WWC1: variants seen among roughly 807,000 people sequenced by gnomAD.
The protein encoded by WWC1 is protein KIBRA.
Under a neutral mutation model 138.4 loss-of-function variants are expected in WWC1, and 55 were observed. The ratio of observed to expected loss-of-function variants is 0.40; its 90% CI spans 0.32 to 0.50. WWC1 has a LOEUF of 0.50. Among genes scored for constraint, WWC1 ranks in the 20% least tolerant of loss-of-function variants. The pLI, the probability that WWC1 is intolerant of heterozygous loss-of-function variation, is 0.72. For missense variants in WWC1, 1,226 were observed against 1,420.4 expected, an observed-to-expected ratio of 0.86 and a Z score of 2.20; for synonymous variants, 524 against 564.9, an observed-to-expected ratio of 0.93 and a Z score of 1.03.
chr5:168,448,246 C>T (rs764791392), intron 17 of WWC1, among the ~76,000 whole-genome samples: 5 of 152,166 alleles, frequency 3.3e-5, no homozygotes, highest in African/African-American at 9.7e-5. Context: ...CATGCCTGCT[C>T]ATCTCTGGAG....
At chr5:168,406,479 G>T in intron 6 of WWC1, 152 bp downstream of exon 6, 1 of 1,135,704 alleles carries the variant, frequency 8.8e-7, no homozygotes, top group Non-Finnish European at 1.3e-6. Flanking sequence ...TCATAGAGGA[G>T]GACGTGGAGG....
chr5:168,293,694 T>C (rs1271860569), intron 1 of WWC1, among the ~76,000 whole-genome samples: 2 of 152,168 alleles, frequency 1.3e-5, no homozygotes, highest in African/African-American at 4.8e-5. Flanking sequence ...TTTCCCTGAA[T>C]TTAAAAAGTT....
At chr5:168,351,830 G>C (rs1293381839) in intron 1 of WWC1, among the ~76,000 whole-genome samples, 1 of 152,178 alleles carries the variant, frequency 6.6e-6, no homozygotes, top group Non-Finnish European at 1.5e-5. Flanking sequence ...TTTATCCTTG[G>C]ATCCTAATGG....
chr5:168,467,668 A>G, intron 21 of WWC1, 172 bp from the exon 22 acceptor site: 1 of 991,908 alleles, frequency 1.0e-6, no homozygotes, highest in Non-Finnish European at 1.4e-6. Flanking sequence ...CTAGTCACTC[A>G]AACAGATGAT....
intron 2 of WWC1, among the ~76,000 whole-genome samples, chr5:168,383,176 C>CAAAAAAAAAAAA (rs1468275675): frequency 8.2e-6 from 1 of 121,258 alleles, no homozygotes; most frequent in Non-Finnish European, 1.7e-5. Context: ...GACTCCATCT[C>CAAAAAAAAAAAA]AAAAACAAAA....
At position 168,453,990 on chromosome 5, in the gene WWC1, A is replaced by G. The variant is rs751988383; in HGVS notation, c.2548A>G (p.Asn850Asp). Residue 850 changes from asparagine to aspartate, a missense_variant, in exon 18 of 23, where the codon AAT becomes GAT. Coordinates refer to ENST00000265293, the MANE Select transcript of WWC1 (RefSeq NM_015238.3). Reference protein sequence around the residue: ...DSWRYEETSENEAVAEEEEEE... With the variant: ...DSWRYEETSEDEAVAEEEEEE... ...CAGGAGGTATGAGGAGACCAGTGAGAATGAGGCAGTAGCCGAGGAAGAGGA... is the reference window on the plus strand; with the variant it reads ...CAGGAGGTATGAGGAGACCAGTGAGGATGAGGCAGTAGCCGAGGAAGAGGA... 1 of 1,612,100 alleles carries G rather than the reference A, an allele frequency of 6.2e-7. No individual in the cohort carries two copies. The highest frequency in any genetic ancestry group is 8.5e-7 in the Non-Finnish European group (1 of 1,179,896).
At chr5:168,311,431 T>A (rs1406336148) in intron 1 of WWC1, among the ~76,000 whole-genome samples, 2 of 152,184 alleles carry the variant, frequency 1.3e-5, no homozygotes, top group Non-Finnish European at 2.9e-5. Context: ...CACACCTCCC[T>A]CTATACCTAC....
At chr5:168,310,816 T>C (rs1256684316) in intron 1 of WWC1, among the ~76,000 whole-genome samples, 3 of 131,720 alleles carry the variant, frequency 2.3e-5, no homozygotes, top group African/African-American at 8.5e-5. Context: ...CCAGCCTGGG[T>C]GACAGAGGGA....
intron 19 of WWC1, among the ~76,000 whole-genome samples, chr5:168,455,735 A>G (rs1442409218): frequency 1.3e-5 from 2 of 152,176 alleles, no homozygotes; most frequent in African/African-American, 4.8e-5. Flanking sequence ...TACTTGGTCA[A>G]TGTTATTATC....
intron 3 of WWC1, 144 bp downstream of exon 3, chr5:168,385,558 C>T (rs1777982319): frequency 1.3e-6 from 1 of 779,418 alleles, no homozygotes; most frequent in African/African-American, 1.7e-5. Flanking sequence ...ACTGCTCTTC[C>T]TGCTCCTACC....
At chr5:168,439,414 C>T (rs543914478) in intron 15 of WWC1, among the ~76,000 whole-genome samples, 6 of 150,338 alleles carry the variant, frequency 4.0e-5, no homozygotes, top group East Asian at 2.0e-4. Context: ...CACCTGAGAT[C>T]GGGAGTTCGA....
intron 19 of WWC1, among the ~76,000 whole-genome samples, chr5:168,458,699 C>A (rs1756543723): frequency 1.3e-5 from 2 of 152,180 alleles, no homozygotes; most frequent in Non-Finnish European, 2.9e-5. Flanking sequence ...TTTCACTGCT[C>A]TCTGCATCAG....
At chr5:168,306,368 C>T (rs574962890) in intron 1 of WWC1, among the ~76,000 whole-genome samples, 14 of 152,310 alleles carry the variant, frequency 9.2e-5, no homozygotes, top group Middle Eastern at 6.8e-3. Flanking sequence ...TGCACCCCAG[C>T]TTGGGCTACA....
At chr5:168,346,704 C>T (rs1774505151) in intron 1 of WWC1, among the ~76,000 whole-genome samples, 1 of 152,180 alleles carries the variant, frequency 6.6e-6, no homozygotes. Flanking sequence ...CCGGGACCTC[C>T]CAGGGCCCAT....
intron 1 of WWC1, among the ~76,000 whole-genome samples, chr5:168,318,530 T>A (rs1317654898): frequency 1.3e-5 from 2 of 151,958 alleles, no homozygotes; most frequent in Non-Finnish European, 2.9e-5. Flanking sequence ...AGTGAAATCT[T>A]AGAGTATTTG....
chr5:168,444,496 C>A lies in WWC1; in HGVS notation c.2436C>A (p.Asp812Glu), dbSNP rs368543559. 7.6e-6 allele frequency: 12 copies of A among 1,571,596 alleles called. No individual in the cohort carries two copies. Among genetic ancestry groups the A allele is most frequent in the Non-Finnish European group, 1.0e-5 (12 of 1,156,916 alleles). ...CCCAGCAACCTTTGTCTCTATAGGA[C>A]GCTGTGTCTGCTCTGTTGGAACAGA... The part of the protein sequence containing the change: ...MAPASGPAST[D>E]AVSALLEQTA... Residue 812 changes from aspartate (D) to glutamate (E), a missense_variant and splice_region_variant, in exon 17 of 23, where the codon GAC (aspartate) becomes GAA (glutamate). Coordinates refer to ENST00000265293, the MANE Select transcript of WWC1 (RefSeq NM_015238.3).
chr5:168,320,513 G>A (rs757075428), intron 1 of WWC1, among the ~76,000 whole-genome samples: 21 of 152,188 alleles, frequency 1.4e-4, no homozygotes, highest in Non-Finnish European at 2.5e-4. Context: ...TCAGTTTCCC[G>A]TCTGTGAAAT....
At chr5:168,298,852 G>A (rs1440335305) in intron 1 of WWC1, among the ~76,000 whole-genome samples, 1 of 152,168 alleles carries the variant, frequency 6.6e-6, no homozygotes, top group African/African-American at 2.4e-5. Context: ...GGGAGGTCGA[G>A]GTGGGTGGAT....
intron 1 of WWC1, among the ~76,000 whole-genome samples, chr5:168,315,284 C>T (rs753083837): frequency 2.6e-5 from 4 of 151,932 alleles, no homozygotes; most frequent in African/African-American, 9.7e-5. Context: ...ATTCCTGGGC[C>T]GCCACCCTAA....
Sources: allele counts gnomAD v4.1 joint callset (sites outside exome capture counted in the v4.1 genomes callset), GRCh38; gene constraint gnomAD v4.1.1; transcripts MANE v1.5; gene names NCBI Gene and HGNC (gene_info 2026-07-23, HGNC 2026-07-21).